UHRF1: variants seen among roughly 807,000 people sequenced by gnomAD.
The protein encoded by UHRF1 is E3 ubiquitin-protein ligase UHRF1.
A neutral mutation model predicts 96.5 loss-of-function variants in UHRF1; 9 were observed. The observed-to-expected ratio is 0.09, with a 90% CI of 0.06 to 0.16. The LOEUF (loss-of-function observed/expected upper bound fraction) is 0.16, where lower values mean the gene tolerates loss of function less well. Ranked by LOEUF, UHRF1 falls within the 10% of genes least tolerant of loss-of-function variation. The pLI, the probability that UHRF1 is intolerant of heterozygous loss-of-function variation, is 1.00. For missense variants in UHRF1, 626 were observed against 1,131.1 expected, an observed-to-expected ratio of 0.55 and a Z score of 6.40; for synonymous variants, 455 against 469.9, an observed-to-expected ratio of 0.97 and a Z score of 0.41.
chr19:4,945,985 G>T lies in UHRF1; in HGVS notation c.1410+20G>T. Reference sequence around the variant, plus strand: ...GATGTGGTGAGTGTGTGTGTGGGAGGGGTGGGGGAGGGTTGCTCTAGTTTT... The same window carrying T: ...GATGTGGTGAGTGTGTGTGTGGGAGTGGTGGGGGAGGGTTGCTCTAGTTTT... On this transcript the variant is annotated intron_variant, in intron 10 of 16. Coordinates refer to ENST00000650932, the MANE Select transcript of UHRF1 (RefSeq NM_001048201.3). The T allele has an allele frequency of 2.5e-6, 3 of 1,185,242 alleles. No individual in the cohort carries two copies. Among genetic ancestry groups the T allele is most frequent in the Admixed American group, 4.2e-5 (2 of 47,248 alleles). 73.4% of individuals were successfully genotyped at this position (1,185,242 alleles called of 1,614,324 possible).
At chr19:4,934,534 A>T (rs1212433191) in intron 5 of UHRF1, among the ~76,000 whole-genome samples, 1 of 152,138 alleles carries the variant, frequency 6.6e-6, no homozygotes, top group East Asian at 1.9e-4. Context: ...GGGACCTCCT[A>T]GGAATGGGAT....
At position 4,960,886 on chromosome 19, in the gene UHRF1, C is replaced by T; in HGVS notation, c.*83C>T. On this transcript the variant is annotated 3_prime_UTR_variant, in exon 17 of 17. Transcript: ENST00000650932. ...CGGCACTGATTTTGTTCTTAGTGGG[C>T]TTAACTTAAACAGGTAGTGTTTCCT... 1 of 738,196 alleles carries T rather than the reference C, an allele frequency of 1.4e-6. No homozygotes were observed. The highest frequency in any genetic ancestry group is 2.2e-6 in the Non-Finnish European group (1 of 449,498). 45.7% of individuals were successfully genotyped at this position (738,196 alleles called of 1,614,324 possible). A position where few individuals can be genotyped will look rare whatever the true frequency, so the allele number is the denominator to read the frequency against.
chr19:4,925,750 G>A (rs1878176400), intron 2 of UHRF1, among the ~76,000 whole-genome samples: 1 of 152,260 alleles, frequency 6.6e-6, no homozygotes, highest in Admixed American at 6.5e-5. Context: ...TCAAACTCCT[G>A]ACTTCAGGTG....
chr19:4,942,192 TTTC>T (rs1422985937), intron 7 of UHRF1, among the ~76,000 whole-genome samples: 2 of 152,034 alleles, frequency 1.3e-5, no homozygotes, highest in East Asian at 3.9e-4. Context: ...TTCTTTTCTT[TTTC>T]TTTTCTTTTT....
intron 2 of UHRF1, among the ~76,000 whole-genome samples, chr19:4,914,409 C>T (rs184401317): frequency 8.0e-4 from 122 of 152,104 alleles, no homozygotes; most frequent in Non-Finnish European, 1.3e-3. Flanking sequence ...TTTTTTTTCC[C>T]TGTTTAAAGA....
In UHRF1 at chr19:4,954,231, G is replaced by A; in HGVS notation, c.1819-119G>A. The A allele has an allele frequency of 6.1e-6, 9 of 1,472,646 alleles. No homozygotes were observed. The highest frequency in any genetic ancestry group is 8.2e-6 in the Non-Finnish European group (9 of 1,091,916). 91.2% of individuals were successfully genotyped at this position (1,472,646 alleles called of 1,614,324 possible). On this transcript the variant is annotated intron_variant, in intron 13 of 16. Transcript: ENST00000650932. This position sits in a 1 kb window ranked among gnomAD's most constrained non-coding sequence, Gnocchi z 5.9. The stretch of plus-strand genomic sequence containing the variant: ...GGGAGGACTACCCTGTGCTCTTCAG[G>A]GGGATTGGGGGTCAGGTGTGTCTGG...
chr19:4,918,251 C>T (rs2032588858), intron 2 of UHRF1, among the ~76,000 whole-genome samples: 3 of 151,942 alleles, frequency 2.0e-5, no homozygotes. Flanking sequence ...TCCCAAGTAG[C>T]TGGGGTTACA....
rs774617446 is a variant in UHRF1 at position 4,954,452 on chromosome 19, A to T, written c.1921A>T (p.Arg641Trp). ...EQQEGGFASP[R>W]TGKGKWKRKS... ...GCAGGAGGGGGGCTTCGCGTCCCCC[A>T]GGACGGGCAAGGGCAAGTGGAAGCG... is the stretch of plus-strand genomic sequence containing the variant. The change falls in exon 14 of 17, where the codon AGG becomes TGG. Residue 641 changes from arginine to tryptophan, a missense_variant. Physicochemically the swap from Arg to Trp is moderately radical, Grantham distance 101. Coordinates refer to ENST00000650932, the MANE Select transcript of UHRF1 (RefSeq NM_001048201.3). This position sits in a 1 kb window ranked among gnomAD's most constrained non-coding sequence, Gnocchi z 5.9. 20 of 1,612,914 alleles carry T rather than the reference A, an allele frequency of 1.2e-5. No individual in the cohort carries two copies. The highest frequency in any genetic ancestry group is 1.6e-5 in the Non-Finnish European group (19 of 1,179,112).
At chr19:4,923,085 T>C (rs910562207) in intron 2 of UHRF1, among the ~76,000 whole-genome samples, 1 of 152,042 alleles carries the variant, frequency 6.6e-6, no homozygotes, top group Non-Finnish European at 1.5e-5. Context: ...GGGCCCCTCA[T>C]TGGATCCCTC....
At chr19:4,947,056 T>C in intron 10 of UHRF1, 49 bp from the exon 11 acceptor site, 1 of 1,450,230 alleles carries the variant, frequency 6.9e-7, no homozygotes. Context: ...GTCTCTTTTT[T>C]TTTTTTTGCC....
intron 5 of UHRF1, among the ~76,000 whole-genome samples, chr19:4,938,411 G>A (rs1183742864): frequency 1.3e-5 from 2 of 151,642 alleles, no homozygotes; most frequent in East Asian, 3.9e-4. Flanking sequence ...TCTTGGTGTT[G>A]GTAATTTATG....
chr19:4,947,488 A>ATTTTTT (rs1568427975), intron 11 of UHRF1, among the ~76,000 whole-genome samples: 2 of 70,366 alleles, frequency 2.8e-5, no homozygotes, highest in South Asian at 5.2e-4. Flanking sequence ...GATAATAGAT[A>ATTTTTT]TCTTTTTTTT....
chr19:4,926,352 C>T (rs1227292229), intron 2 of UHRF1, among the ~76,000 whole-genome samples: 2 of 152,174 alleles, frequency 1.3e-5, no homozygotes, highest in Non-Finnish European at 1.5e-5. Flanking sequence ...GAGAGCTGGC[C>T]CTGAGCCTCC....
At position 4,929,569 on chromosome 19, in the gene UHRF1, C is replaced by T. The variant is rs570361446; in HGVS notation, c.408+93C>T. On this transcript the variant is annotated intron_variant, in intron 3 of 16. Coordinates refer to ENST00000650932, the MANE Select transcript of UHRF1 (RefSeq NM_001048201.3). ...CAGGGCTCACAGGAGGGGCTTCCCA[C>T]GCGCCTCTCTAGCTCTGGCTGGGCA... 82 of 1,506,906 alleles carry T rather than the reference C, an allele frequency of 5.4e-5. No homozygotes were observed. The East Asian group carries it at 6.4e-4, about 12-fold the overall frequency. The allele number at this position is 1,506,906 out of a possible 1,614,324, so 93.3% of individuals were successfully genotyped here.
At position 4,956,741 on chromosome 19, in the gene UHRF1, G is replaced by A. The variant is rs769444008; in HGVS notation, c.2163G>A (p.Thr721=). 5 of 1,612,442 alleles carry A rather than the reference G, an allele frequency of 3.1e-6. No individual in the cohort carries two copies. Among genetic ancestry groups the A allele is most frequent in the East Asian group, 2.2e-5 (1 of 44,854 alleles). The part of the protein sequence containing the change: ...FQLFLSKVEE[T]FQCICCQELV... ...TGTTCCTGAGTAAAGTGGAGGAGAC[G>A]TTCCAGTGTATCTGCTGTCAGGAGC... The change falls in exon 16 of 17, where the codon ACG becomes ACA. Residue 721 remains threonine, a synonymous_variant. Transcript: ENST00000650932.
At position 4,930,757 on chromosome 19, in the gene UHRF1, G is replaced by A. The variant is rs764391642; in HGVS notation, c.450G>A (p.Ala150=). ...ATGCTCGGGACACGAACATGGGGGC[G>A]TGGTTTGAGGCGCAGGTGGTCAGGG... ...YVDARDTNMG[A]WFEAQVVRVT... is the part of the protein sequence containing the mutation. The change falls in exon 4 of 17, where the codon GCG becomes GCA. Residue 150 remains alanine (A), a synonymous_variant. Transcript: ENST00000650932. The surrounding 1 kb of genome is among the most constrained non-coding windows in gnomAD (Gnocchi z 4.4). 12 of 1,613,860 alleles carry A rather than the reference G, an allele frequency of 7.4e-6. No homozygotes were observed. The highest frequency in any genetic ancestry group is 2.7e-5 in the African/African-American group (2 of 74,934).
intron 2 of UHRF1, among the ~76,000 whole-genome samples, chr19:4,913,129 C>G (rs935854263): frequency 2.0e-5 from 3 of 152,136 alleles, no homozygotes; most frequent in East Asian, 3.9e-4. Flanking sequence ...CCATGCAACC[C>G]AAAACCCCTA....
intron 2 of UHRF1, among the ~76,000 whole-genome samples, chr19:4,920,544 C>A (rs143711934): frequency 1.1e-3 from 161 of 152,272 alleles, no homozygotes; most frequent in East Asian, 8.3e-3. Context: ...TTACCTCTAC[C>A]TGACTGGATT....
intron 2 of UHRF1, among the ~76,000 whole-genome samples, chr19:4,920,183 G>A (rs2032658433): frequency 6.6e-6 from 1 of 152,220 alleles, no homozygotes; most frequent in Admixed American, 6.5e-5. Flanking sequence ...TGTAATTTCA[G>A]CACTTCGGGA....
Sources: gnomAD v4.1 joint callset for allele counts (sites outside exome capture counted in the v4.1 genomes callset) on GRCh38, gnomAD v4.1.1 for gene constraint, Gnocchi (gnomAD v3.1) non-coding constraint, MANE v1.5 for transcripts, NCBI Gene and HGNC (gene_info 2026-07-23, HGNC 2026-07-21) for gene names.